Variants in B4GALT1 observed in about 807,000 individuals in gnomAD.
The protein encoded by B4GALT1 is beta-1,4-galactosyltransferase 1, also known as N-acetyllactosamine synthase.
In B4GALT1, 16 loss-of-function variants were observed where a neutral mutation model predicts 34.9. The ratio of observed to expected loss-of-function variants is 0.46; its 90% CI spans 0.31 to 0.70. The LOEUF is 0.70. Among genes scored for constraint, B4GALT1 ranks in the 30% least tolerant of loss-of-function variants. B4GALT1 has a pLI of 0.05. For missense variants in B4GALT1, 445 were observed against 530.5 expected, an observed-to-expected ratio of 0.84 and a Z score of 1.58; for synonymous variants, 221 against 218.1, an observed-to-expected ratio of 1.01 and a Z score of -0.12.
the B4GALT1 span, among the ~76,000 whole-genome samples, chr9:33,175,015 ATATAT>A: frequency 4.4e-4 from 37 of 84,966 alleles, 5 homozygotes; most frequent in Non-Finnish European, 7.6e-4. Flanking sequence ...ATATATATAT[ATATAT>A]AAAATTGGAG....
intron 1 of B4GALT1, among the ~76,000 whole-genome samples, chr9:33,165,950 G>A (rs1840745083): frequency 6.6e-6 from 1 of 152,302 alleles, no homozygotes; most frequent in African/African-American, 2.4e-5. Context: ...CCAGAAATGG[G>A]CAACGTGGTG....
intron 2 of B4GALT1, among the ~76,000 whole-genome samples, chr9:33,134,839 T>C (rs1840243258): frequency 6.6e-6 from 1 of 152,188 alleles, no homozygotes; most frequent in South Asian, 2.1e-4. Context: ...GTTTTATTTT[T>C]AAAAGGAAAA....
intron 2 of B4GALT1, among the ~76,000 whole-genome samples, chr9:33,132,803 C>G (rs1224334291): frequency 6.6e-6 from 1 of 152,250 alleles, no homozygotes; most frequent in Non-Finnish European, 1.5e-5. Context: ...GCATCCCACC[C>G]TCCAGTCTTC....
chr9:33,165,275 C>G (rs2118336995), intron 1 of B4GALT1, among the ~76,000 whole-genome samples: 1 of 151,794 alleles, frequency 6.6e-6, no homozygotes, highest in Admixed American at 6.6e-5. Flanking sequence ...GCCTGAGTGC[C>G]TGTATTTAAT....
downstream of B4GALT1, chr9:33,108,625 G>A (rs1206791897): frequency 6.6e-6 from 1 of 152,262 alleles, no homozygotes; most frequent in Non-Finnish European, 1.5e-5. Flanking sequence ...GGCATGTGTG[G>A]AGGTGTGTGG....
intron 1 of B4GALT1, among the ~76,000 whole-genome samples, chr9:33,162,027 C>T (rs1160191139): frequency 6.6e-6 from 1 of 152,166 alleles, no homozygotes; most frequent in Non-Finnish European, 1.5e-5. Flanking sequence ...GACTGCCTTG[C>T]TATTAACTGC....
At chr9:33,146,467 C>G (rs1388887157) in intron 1 of B4GALT1, among the ~76,000 whole-genome samples, 1 of 152,188 alleles carries the variant, frequency 6.6e-6, no homozygotes, top group South Asian at 2.1e-4. Context: ...GGGGCAGCCA[C>G]CTGTGTCCTC....
intron 1 of B4GALT1, among the ~76,000 whole-genome samples, chr9:33,156,123 T>C (rs1454507416): frequency 6.7e-6 from 1 of 149,250 alleles, no homozygotes; most frequent in African/African-American, 2.5e-5. Context: ...TCTGTAAACT[T>C]TTTTTTTTTT....
intron 1 of B4GALT1, among the ~76,000 whole-genome samples, chr9:33,153,947 G>C (rs1471944527): frequency 1.4e-5 from 2 of 143,384 alleles, no homozygotes; most frequent in African/African-American, 5.1e-5. Flanking sequence ...AAACAACTAT[G>C]AAAGAGAAGA....
At chr9:33,134,223 G>A (rs1840233829) in intron 2 of B4GALT1, among the ~76,000 whole-genome samples, 1 of 152,188 alleles carries the variant, frequency 6.6e-6, no homozygotes, top group Non-Finnish European at 1.5e-5. Context: ...GGTGCACAGA[G>A]TTCCTTGACC....
chr9:33,123,290 A>AC (rs1491023654), intron 2 of B4GALT1, among the ~76,000 whole-genome samples: 3 of 140,340 alleles, frequency 2.1e-5, no homozygotes, highest in Non-Finnish European at 5.0e-5. Context: ...AAAAAAAAAA[A>AC]AAAAAAAAAA....
the B4GALT1 span, among the ~76,000 whole-genome samples, chr9:33,174,983 AAAAAAAAATATATATATAT>A: frequency 2.6e-5 from 1 of 38,620 alleles, no homozygotes; most frequent in African/African-American, 8.4e-5. Context: ...AAAAAAAAAA[AAAAAAAAATATATATATAT>A]ATATATATAT....
At chr9:33,174,510 A>T in the B4GALT1 span, among the ~76,000 whole-genome samples, 20 of 152,190 alleles carry the variant, frequency 1.3e-4, no homozygotes, top group Non-Finnish European at 2.6e-4. Context: ...TTAGCTGGGC[A>T]TGGTGGCACA....
At chr9:33,136,493 G>GC (rs1396483849) in intron 1 of B4GALT1, among the ~76,000 whole-genome samples, 8 of 152,176 alleles carry the variant, frequency 5.3e-5, no homozygotes, top group African/African-American at 1.9e-4. Context: ...ATCAGACCCA[G>GC]CAAGATGCTT....
chr9:33,128,260 A>G (rs1025180228), intron 2 of B4GALT1, among the ~76,000 whole-genome samples: 1 of 152,228 alleles, frequency 6.6e-6, no homozygotes, highest in African/African-American at 2.4e-5. Flanking sequence ...AAAAAAGAAG[A>G]AAAAGAGAAA....
chr9:33,137,785 C>T (rs549534467), intron 1 of B4GALT1, among the ~76,000 whole-genome samples: 67 of 152,262 alleles, frequency 4.4e-4, no homozygotes, highest in African/African-American at 1.6e-3. Context: ...TTAGGGCTTT[C>T]GGGCAAAGAG....
intron 1 of B4GALT1, among the ~76,000 whole-genome samples, chr9:33,147,269 C>T (rs75966392): frequency 7.0e-6 from 1 of 143,724 alleles, no homozygotes; most frequent in African/African-American, 2.6e-5. Context: ...TTTTTTCCCC[C>T]TGAGATGGAG....
chr9:33,120,315 G>T, intron 3 of B4GALT1, 104 bp downstream of exon 3: 1 of 1,306,474 alleles, frequency 7.7e-7, no homozygotes, highest in Non-Finnish European at 1.1e-6. Context: ...GAGGCATTCT[G>T]CTCCAGAGCT....
chr9:33,138,121 G>T (rs1293130462), intron 1 of B4GALT1, among the ~76,000 whole-genome samples: 2 of 152,208 alleles, frequency 1.3e-5, no homozygotes, highest in Non-Finnish European at 2.9e-5. Context: ...TTCACATGTG[G>T]CCTGGCTCGC....
Sources: gnomAD v4.1 joint callset for allele counts (sites outside exome capture counted in the v4.1 genomes callset) on GRCh38, gnomAD v4.1.1 for gene constraint, MANE v1.5 for transcripts, NCBI Gene and HGNC (gene_info 2026-07-23, HGNC 2026-07-21) for gene names.